AFG2A: variants seen among roughly 807,000 people sequenced by gnomAD.
The protein encoded by AFG2A is AAA ATPase AFG2A, also known as ATPase family gene 2 protein homolog A.
chr4:123,184,426 TAAG>T, the AFG2A span, among the ~76,000 whole-genome samples: 6 of 152,042 alleles, frequency 3.9e-5, no homozygotes, highest in Non-Finnish European at 5.9e-5. Context: ...CTGTCCGACT[TAAG>T]AAGAAAAATC....
At chr4:123,203,606 T>TA in the AFG2A span, among the ~76,000 whole-genome samples, 1 of 152,222 alleles carries the variant, frequency 6.6e-6, no homozygotes, top group Non-Finnish European at 1.5e-5. Context: ...CCTGAGTAGT[T>TA]ACACTGCTTT....
At chr4:123,299,028 C>T in the AFG2A span, among the ~76,000 whole-genome samples, 1 of 151,952 alleles carries the variant, frequency 6.6e-6, no homozygotes, top group Admixed American at 6.6e-5. Context: ...AGTGGTAGGC[C>T]TTGGAACTAC....
At chr4:122,936,197 G>A in the AFG2A span, 1 of 1,518,016 alleles carries the variant, frequency 6.6e-7, no homozygotes, top group Admixed American at 1.9e-5. Context: ...AATAATCAAG[G>A]CTGTATTAGT....
At chr4:123,240,184 G>T in the AFG2A span, among the ~76,000 whole-genome samples, 8 of 151,826 alleles carry the variant, frequency 5.3e-5, no homozygotes, top group Non-Finnish European at 1.2e-4. Context: ...AAAGCAATCT[G>T]GGAGACTTTA....
chr4:122,995,137 ATTC>A, the AFG2A span, among the ~76,000 whole-genome samples: 2 of 152,110 alleles, frequency 1.3e-5, no homozygotes, highest in Non-Finnish European at 2.9e-5. Context: ...TTTAGTTTTT[ATTC>A]TTTAAATACA....
chr4:123,158,178 CACATATGACCATT>C, the AFG2A span, among the ~76,000 whole-genome samples: 1 of 152,174 alleles, frequency 6.6e-6, no homozygotes, highest in African/African-American at 2.4e-5. Flanking sequence ...CCTCATTTGA[CACATATGACCATT>C]ACAGCTTTGA....
At chr4:123,108,156 G>A in the AFG2A span, among the ~76,000 whole-genome samples, 22 of 152,308 alleles carry the variant, frequency 1.4e-4, no homozygotes, top group East Asian at 5.8e-4. Flanking sequence ...CGCTCCAGAC[G>A]GGCCGCTGCT....
chr4:123,023,913 C>T, the AFG2A span, among the ~76,000 whole-genome samples: 1 of 151,858 alleles, frequency 6.6e-6, no homozygotes, highest in Non-Finnish European at 1.5e-5. Flanking sequence ...TCTGGGGGCC[C>T]TCCGAGGCCT....
the AFG2A span, among the ~76,000 whole-genome samples, chr4:123,263,497 A>T: frequency 1.3e-5 from 2 of 152,184 alleles, no homozygotes; most frequent in Non-Finnish European, 2.9e-5. Context: ...CAAATATATA[A>T]ACTACTTTCT....
the AFG2A span, among the ~76,000 whole-genome samples, chr4:123,089,581 C>T: frequency 2.0e-5 from 3 of 151,676 alleles, no homozygotes; most frequent in Non-Finnish European, 4.4e-5. Context: ...GTTGAGTTTA[C>T]TTCTTTTTTT....
chr4:123,132,614 A>ATATG, the AFG2A span, among the ~76,000 whole-genome samples: 982 of 148,278 alleles, frequency 6.6e-3, 4 homozygotes, highest in Middle Eastern at 0.021. Flanking sequence ...ATATATATAT[A>ATATG]TGTGCATATA....
At chr4:123,060,471 A>C in the AFG2A span, among the ~76,000 whole-genome samples, 1 of 152,228 alleles carries the variant, frequency 6.6e-6, no homozygotes, top group Non-Finnish European at 1.5e-5. Context: ...ACTTCTGCAC[A>C]ACCGCAGGCT....
the AFG2A span, among the ~76,000 whole-genome samples, chr4:123,016,025 T>C: frequency 0.016 from 173 of 10,594 alleles, 30 homozygotes; most frequent in African/African-American, 0.029. Context: ...GGCGGCTGGC[T>C]GGGCGGGGGG....
At chr4:122,972,593 G>T in the AFG2A span, among the ~76,000 whole-genome samples, 1 of 149,900 alleles carries the variant, frequency 6.7e-6, no homozygotes, top group African/African-American at 2.5e-5. Context: ...CAGTACTGCA[G>T]TAGCAGCATC....
chr4:122,936,838 G>T, the AFG2A span, among the ~76,000 whole-genome samples: 1 of 152,162 alleles, frequency 6.6e-6, no homozygotes, highest in African/African-American at 2.4e-5. Flanking sequence ...AAATTAGCCA[G>T]GTGTGGTGGC....
At chr4:123,060,403 C>A in the AFG2A span, among the ~76,000 whole-genome samples, 1 of 152,224 alleles carries the variant, frequency 6.6e-6, no homozygotes, top group Non-Finnish European at 1.5e-5. Context: ...GCCTGAACAT[C>A]CAGGGATTTC....
the AFG2A span, among the ~76,000 whole-genome samples, chr4:123,277,228 T>G: frequency 6.6e-6 from 1 of 152,194 alleles, no homozygotes; most frequent in Non-Finnish European, 1.5e-5. Flanking sequence ...CATATTTTAT[T>G]ATTTTTGTGG....
the AFG2A span, among the ~76,000 whole-genome samples, chr4:123,194,029 A>G: frequency 1.3e-5 from 2 of 152,332 alleles, no homozygotes; most frequent in African/African-American, 4.8e-5. Flanking sequence ...TGTTCTTCCA[A>G]TTCTTCCATC....
the AFG2A span, among the ~76,000 whole-genome samples, chr4:123,053,016 G>T: frequency 6.6e-6 from 1 of 152,158 alleles, no homozygotes; most frequent in Admixed American, 6.5e-5. Flanking sequence ...CAGCAAGCCG[G>T]CTTATTTCAT....
Sources: gnomAD v4.1 joint callset for allele counts (sites outside exome capture counted in the v4.1 genomes callset) on GRCh38, gnomAD v4.1.1 for gene constraint, MANE v1.5 for transcripts, NCBI Gene and HGNC (gene_info 2026-07-23, HGNC 2026-07-21) for gene names.